PTPRK: variants seen among roughly 807,000 people sequenced by gnomAD.
PTPRK encodes the protein protein tyrosine phosphatase receptor type K, also known as receptor-type tyrosine-protein phosphatase kappa.
A neutral mutation model predicts 178.0 loss-of-function variants in PTPRK; 75 were observed. The ratio of observed to expected loss-of-function variants is 0.42; its 90% confidence interval spans 0.35 to 0.51. The LOEUF (loss-of-function observed/expected upper bound fraction) is 0.51. PTPRK is among the 20% of genes least tolerant of loss of function. The probability of loss-of-function intolerance (pLI) is 0.02; values close to 1 mark genes in which losing one functional copy is unlikely to be tolerated. For synonymous variants in PTPRK, 637 were observed against 620.6 expected (o/e 1.03, Z -0.39); for missense variants, 1,441 against 1,797.8 (o/e 0.80, Z 3.59).
chr6:128,387,651 G>C (rs1048044158), intron 2 of PTPRK, among the ~76,000 whole-genome samples: 1 of 151,982 alleles, frequency 6.6e-6, no homozygotes, highest in African/African-American at 2.4e-5. Context: ...CTTCGTTTTG[G>C]AGGTTTTTTT....
chr6:128,310,155 TTGTGC>T (rs1302824858), intron 3 of PTPRK, among the ~76,000 whole-genome samples: 2 of 152,190 alleles, frequency 1.3e-5, no homozygotes, highest in African/African-American at 4.8e-5. Context: ...GGGAAGTAGA[TTGTGC>T]CTTCTTTCTC....
chr6:128,194,277 G>A lies in PTPRK; in HGVS notation c.869-9552C>T, dbSNP rs181434978. The stretch of plus-strand genomic sequence containing the variant: ...ATTTTTCTGTATTTTTCGTACAGAC[G>A]GGGTTTCACCGTGTTAGCCAGGATG... On this transcript the variant is annotated intron_variant, in intron 6 of 29. Coordinates refer to ENST00000368226, the MANE Select transcript of PTPRK (RefSeq NM_002844.4). Among the ~76,000 whole-genome samples the A allele has an allele frequency of 5.5e-3, 830 of 151,730 alleles. 26 individuals are homozygous for A. The highest frequency in any genetic ancestry group is 2.2e-3 in the Non-Finnish European group (152 of 67,934).
chr6:128,169,783 A>ATGTGTGTG (rs10552787), intron 7 of PTPRK, among the ~76,000 whole-genome samples: 2 of 145,434 alleles, frequency 1.4e-5, no homozygotes, highest in Admixed American at 6.9e-5. Flanking sequence ...TATTTTTTTA[A>ATGTGTGTG]TGTGTGTGTG....
At chr6:128,102,303 C>T (rs543039253) in intron 7 of PTPRK, among the ~76,000 whole-genome samples, 1 of 152,262 alleles carries the variant, frequency 6.6e-6, no homozygotes, top group Non-Finnish European at 1.5e-5. Context: ...GACTCCTTTT[C>T]TTATATAACT....
intron 13 of PTPRK, among the ~76,000 whole-genome samples, chr6:128,038,163 A>G (rs932060214): frequency 1.3e-5 from 2 of 152,094 alleles, no homozygotes; most frequent in Non-Finnish European, 2.9e-5. Context: ...TTTTTTTTCT[A>G]ACTTGGTTAT....
intron 17 of PTPRK, 135 bp from the exon 18 acceptor site, chr6:127,995,673 G>C (rs1324591848): frequency 1.1e-5 from 6 of 550,900 alleles, no homozygotes; most frequent in Non-Finnish European, 3.2e-6. Flanking sequence ...TCAGTCCTTT[G>C]AAGAAATATA....
intron 6 of PTPRK, among the ~76,000 whole-genome samples, chr6:128,198,846 G>T (rs1040786460): frequency 6.6e-6 from 1 of 152,102 alleles, no homozygotes; most frequent in African/African-American, 2.4e-5. Flanking sequence ...TTGAAGGCAA[G>T]GACTGTATAT....
At chr6:128,239,983 G>A (rs1319678858) in intron 5 of PTPRK, 52 bp downstream of exon 5, 1 of 1,408,916 alleles carries the variant, frequency 7.1e-7, no homozygotes, top group South Asian at 1.2e-5. Context: ...CTGTTGCAAT[G>A]TTTTTAAAAC....
At chr6:128,028,907 C>T (rs1202261447) in intron 13 of PTPRK, among the ~76,000 whole-genome samples, 2 of 152,168 alleles carry the variant, frequency 1.3e-5, no homozygotes, top group Admixed American at 1.3e-4. Context: ...CTCCCCAATT[C>T]TGTTCCTAAA....
chr6:128,378,543 T>C (rs1333367393), intron 2 of PTPRK, among the ~76,000 whole-genome samples: 2 of 151,986 alleles, frequency 1.3e-5, no homozygotes, highest in Non-Finnish European at 2.9e-5. Flanking sequence ...TGTACAAATG[T>C]TAAAATAAGA....
Position 127,973,165 on chromosome 6 carries a change from C to T in PTPRK, c.4134-8G>A. On this transcript the variant is annotated splice_region_variant and splice_polypyrimidine_tract_variant and intron_variant, in intron 28 of 29. Coordinates refer to ENST00000368226, the MANE Select transcript of PTPRK (RefSeq NM_002844.4). ...CTTCGCCCGCCACCATTTCTGAAAG[C>T]AAAGAAAGCAAAGGCATTTTAGATA... 1.2e-6 allele frequency: 2 copies of T among 1,613,528 alleles called. No individual in the cohort carries two copies. The highest frequency in any genetic ancestry group is 1.1e-5 in the South Asian group (1 of 91,046).
chr6:128,048,748 A>G (rs954966827), intron 13 of PTPRK, among the ~76,000 whole-genome samples: 6 of 152,184 alleles, frequency 3.9e-5, no homozygotes, highest in Non-Finnish European at 8.8e-5. Flanking sequence ...AAGGATGTAC[A>G]TAGGTTACAG....
intron 22 of PTPRK, among the ~76,000 whole-genome samples, chr6:127,983,899 A>C (rs1775638567): frequency 6.6e-6 from 1 of 152,028 alleles, no homozygotes; most frequent in East Asian, 1.9e-4. Context: ...CAGGAAATGC[A>C]AATGGTGGGG....
At chr6:128,504,436 A>G (rs1409675755) in intron 1 of PTPRK, among the ~76,000 whole-genome samples, 2 of 152,222 alleles carry the variant, frequency 1.3e-5, no homozygotes, top group Non-Finnish European at 2.9e-5. Context: ...CTGTGGAGAG[A>G]GTCCAGGAAA....
At chr6:128,269,157 A>G (rs1263925447) in intron 3 of PTPRK, among the ~76,000 whole-genome samples, 3 of 152,064 alleles carry the variant, frequency 2.0e-5, no homozygotes, top group Non-Finnish European at 4.4e-5. Flanking sequence ...TTAAGGGGCA[A>G]TTCTTAACTT....
intron 3 of PTPRK, among the ~76,000 whole-genome samples, chr6:128,292,994 A>C (rs1823654302): frequency 6.6e-6 from 1 of 152,054 alleles, no homozygotes; most frequent in Non-Finnish European, 1.5e-5. Flanking sequence ...GGGGTTCAAC[A>C]GCCAACTGGT....
intron 22 of PTPRK, among the ~76,000 whole-genome samples, chr6:127,985,279 G>C (rs905573282): frequency 6.6e-6 from 1 of 152,074 alleles, no homozygotes; most frequent in Non-Finnish European, 1.5e-5. Context: ...TTTTTAAATA[G>C]CTGTTTTGCA....
intron 7 of PTPRK, among the ~76,000 whole-genome samples, chr6:128,147,318 T>C (rs923862904): frequency 6.6e-6 from 1 of 152,144 alleles, no homozygotes; most frequent in African/African-American, 2.4e-5. Flanking sequence ...TTTTTTTAAC[T>C]TGGAATTAGA....
intron 5 of PTPRK, among the ~76,000 whole-genome samples, chr6:128,220,208 GGAA>G (rs1810139987): frequency 6.6e-6 from 1 of 151,922 alleles, no homozygotes; most frequent in South Asian, 2.1e-4. Context: ...CATTTGTCAA[GGAA>G]ATACCCATCA....
Sources: gnomAD v4.1 joint callset for allele counts (sites outside exome capture counted in the v4.1 genomes callset) on GRCh38, gnomAD v4.1.1 for gene constraint, MANE v1.5 for transcripts, NCBI Gene and HGNC (gene_info 2026-07-23, HGNC 2026-07-21) for gene names.